NFIA: variants seen among roughly 807,000 people sequenced by gnomAD.
NFIA encodes the protein nuclear factor I A, also known as nuclear factor 1 A-type.
A neutral mutation model predicts 62.8 loss-of-function variants in NFIA; 8 were observed. The observed-to-expected ratio is 0.13, with a 90% CI of 0.07 to 0.23. The LOEUF is 0.23. Among genes scored for constraint, NFIA ranks in the 10% least tolerant of loss-of-function variants. The pLI is 1.00. For synonymous variants in NFIA, 235 were observed against 238.1 expected (o/e 0.99, Z 0.12); for missense variants, 410 against 642.1 (o/e 0.64, Z 3.91).
rs74089355 is a variant in NFIA at position 61,437,896 on chromosome 1, G to T, written c.1512+11340G>T. Among the ~76,000 whole-genome samples, 1,262 of 152,284 alleles carry T rather than the reference G, an allele frequency of 8.3e-3. 24 individuals are homozygous for T. The highest frequency in any genetic ancestry group is 0.029 in the African/African-American group (1,209 of 41,556). The stretch of plus-strand genomic sequence containing the variant: ...TTTACAGTAGACGGCAGAAACATTA[G>T]ATCAGAGTCTAGTCGTGAATAAATA... On this transcript the variant is annotated intron_variant, in intron 10 of 10. Coordinates refer to ENST00000403491, the MANE Select transcript of NFIA (RefSeq NM_001134673.4).
chr1:61,204,333 C>T (rs1316312881), intron 2 of NFIA, among the ~76,000 whole-genome samples: 6 of 152,114 alleles, frequency 3.9e-5, no homozygotes, highest in Admixed American at 3.9e-4. Flanking sequence ...TAAACTTACT[C>T]CTATGTAGTT....
Position 61,426,048 on chromosome 1 carries a change from G to T in NFIA, c.1421-417G>T, listed in dbSNP as rs1007975683. On this transcript the variant is annotated intron_variant, in intron 9 of 10. Coordinates refer to ENST00000403491, the MANE Select transcript of NFIA (RefSeq NM_001134673.4). ...TTTCATGATTTTTTAAGAGTGTAAC[G>T]GTGTGAAAAGCAAGCTTGTAAAATG... 3.9e-5 allele frequency among the ~76,000 whole-genome samples: 6 copies of T among 152,058 alleles called. No individual in the cohort carries two copies. The South Asian group carries it at 6.2e-4, about 16-fold the overall frequency.
chr1:61,455,336 A>G lies in NFIA; in HGVS notation c.*16A>G. On this transcript the variant is annotated 3_prime_UTR_variant, in exon 11 of 11. Coordinates refer to ENST00000403491, the MANE Select transcript of NFIA (RefSeq NM_001134673.4). The stretch of plus-strand genomic sequence containing the variant: ...CCTGGGATAAAAGTTGCAGCGTCCC[A>G]CCATCCACCAGACAGACCACCTGAC... The G allele has an allele frequency of 1.2e-6, 2 of 1,614,068 alleles. No homozygotes were observed. The highest frequency in any genetic ancestry group is 1.7e-6 in the Non-Finnish European group (2 of 1,179,962).
chr1:61,122,959 GTCCATGTA>G (rs1646911797), intron 2 of NFIA, among the ~76,000 whole-genome samples: 1 of 152,158 alleles, frequency 6.6e-6, no homozygotes, highest in African/African-American at 2.4e-5. Context: ...CAGTACGTAT[GTCCATGTA>G]TCCAGGAGAA....
chr1:61,194,653 A>G (rs1651871860), intron 2 of NFIA, among the ~76,000 whole-genome samples: 2 of 152,186 alleles, frequency 1.3e-5, no homozygotes, highest in Admixed American at 6.5e-5. Flanking sequence ...TATGGCCTTG[A>G]CTTCACCCTA....
At chr1:61,156,004 G>A (rs548026202) in intron 2 of NFIA, among the ~76,000 whole-genome samples, 2 of 152,166 alleles carry the variant, frequency 1.3e-5, no homozygotes, top group African/African-American at 2.4e-5. Flanking sequence ...TCGGCGTTGC[G>A]TGCGCCTGTA....
At chr1:61,135,239 C>T (rs1647160639) in intron 2 of NFIA, among the ~76,000 whole-genome samples, 1 of 152,180 alleles carries the variant, frequency 6.6e-6, no homozygotes, top group African/African-American at 2.4e-5. Context: ...TCATTTAATA[C>T]AGCTACTTTG....
chr1:61,227,418 A>T (rs985305559), intron 2 of NFIA, among the ~76,000 whole-genome samples: 2 of 152,200 alleles, frequency 1.3e-5, no homozygotes, highest in Non-Finnish European at 2.9e-5. Context: ...CGATTTGATG[A>T]TGGGATCTTG....
At chr1:61,254,742 G>A (rs1442924077) in intron 2 of NFIA, among the ~76,000 whole-genome samples, 6 of 152,190 alleles carry the variant, frequency 3.9e-5, no homozygotes, top group Admixed American at 1.3e-4. Flanking sequence ...GCTACCCACT[G>A]TCTCCCAAAC....
intron 2 of NFIA, among the ~76,000 whole-genome samples, chr1:61,098,199 CAT>C (rs1311714456): frequency 6.6e-6 from 1 of 152,124 alleles, no homozygotes; most frequent in Non-Finnish European, 1.5e-5. Flanking sequence ...GAATGTAACT[CAT>C]AAATAATATT....
intron 6 of NFIA, among the ~76,000 whole-genome samples, chr1:61,375,921 C>T (rs553839479): frequency 1.3e-5 from 2 of 152,270 alleles, no homozygotes; most frequent in South Asian, 4.1e-4. Context: ...ACCATGCTAT[C>T]CTGTCTTCTA....
chr1:61,311,189 C>T (rs1349377160), intron 3 of NFIA, among the ~76,000 whole-genome samples: 3 of 152,214 alleles, frequency 2.0e-5, no homozygotes, highest in South Asian at 4.1e-4. Context: ...GTCGGAAGTT[C>T]GAGACCAGCC....
At chr1:61,110,059 T>G (rs1040794636) in intron 2 of NFIA, among the ~76,000 whole-genome samples, 6 of 151,810 alleles carry the variant, frequency 4.0e-5, no homozygotes, top group Admixed American at 1.3e-4. Flanking sequence ...GAGAGAGAGA[T>G]AAGGGGGGCA....
intron 4 of NFIA, among the ~76,000 whole-genome samples, chr1:61,339,276 G>A (rs1189394082): frequency 1.3e-5 from 2 of 152,142 alleles, no homozygotes; most frequent in Admixed American, 6.5e-5. Flanking sequence ...TAGAGTGAAG[G>A]TAGAGTGTGG....
chr1:61,277,076 G>T (rs1657848695), intron 2 of NFIA, among the ~76,000 whole-genome samples: 1 of 152,190 alleles, frequency 6.6e-6, no homozygotes, highest in Non-Finnish European at 1.5e-5. Context: ...AACAGAACTT[G>T]TTACTGTTGT....
At chr1:61,233,989 T>G (rs760084190) in intron 2 of NFIA, among the ~76,000 whole-genome samples, 2 of 152,142 alleles carry the variant, frequency 1.3e-5, no homozygotes, top group Non-Finnish European at 2.9e-5. Context: ...ATCCTTGACC[T>G]CTTAACTGTT....
intron 2 of NFIA, among the ~76,000 whole-genome samples, chr1:61,247,685 G>C (rs889064763): frequency 1.3e-5 from 2 of 152,124 alleles, no homozygotes; most frequent in African/African-American, 4.8e-5. Context: ...TGTTTTGCTG[G>C]CTTGTCTGTT....
intron 9 of NFIA, among the ~76,000 whole-genome samples, chr1:61,421,111 A>G (rs1312072598): frequency 6.6e-6 from 1 of 151,950 alleles, no homozygotes; most frequent in African/African-American, 2.4e-5. Flanking sequence ...GGCCCGCTCC[A>G]TCTCCCCTGT....
At chr1:61,142,703 G>C (rs1647621208) in intron 2 of NFIA, among the ~76,000 whole-genome samples, 1 of 152,162 alleles carries the variant, frequency 6.6e-6, no homozygotes, top group Admixed American at 6.5e-5. Context: ...ATACACAGTA[G>C]ATACTAACTT....
Sources: allele counts gnomAD v4.1 joint callset (sites outside exome capture counted in the v4.1 genomes callset), GRCh38; gene constraint gnomAD v4.1.1; transcripts MANE v1.5; gene names NCBI Gene and HGNC (gene_info 2026-07-23, HGNC 2026-07-21).